The following PTPN21 variants were observed in gnomAD, a reference collection of about 807,000 sequenced individuals.
The protein encoded by PTPN21 is tyrosine-protein phosphatase non-receptor type 21.
PTPN21 carries 77 observed loss-of-function variants against 131.8 expected under a neutral mutation model. That is an observed-to-expected ratio of 0.58 (90% CI 0.49 to 0.71). PTPN21 has a LOEUF of 0.71. Ranked by LOEUF, PTPN21 falls within the 30% of genes least tolerant of loss-of-function variation. The pLI, the probability that PTPN21 is intolerant of heterozygous loss-of-function variation, is 0.00. For synonymous variants in PTPN21, 715 were observed against 621.3 expected (o/e 1.15, Z -2.24); for missense variants, 1,552 against 1,527.1 (o/e 1.02, Z -0.27).
intron 2 of PTPN21, among the ~76,000 whole-genome samples, chr14:88,522,951 T>TC (rs67758702): frequency 2.0e-3 from 308 of 151,590 alleles, no homozygotes; most frequent in African/African-American, 7.1e-3. Flanking sequence ...TAAGACCATT[T>TC]TTTTTTTTGG....
intron 8 of PTPN21, among the ~76,000 whole-genome samples, chr14:88,498,286 A>G (rs951431532): frequency 4.6e-5 from 7 of 151,290 alleles, no homozygotes; most frequent in Non-Finnish European, 1.0e-4. Context: ...AAAAAAAACC[A>G]AAACAGAAAA....
chr14:88,525,815 G>A (rs2078466505), intron 2 of PTPN21, among the ~76,000 whole-genome samples: 1 of 152,182 alleles, frequency 6.6e-6, no homozygotes, highest in Non-Finnish European at 1.5e-5. Flanking sequence ...TCCATCAATA[G>A]ATGAATGGAT....
intron 2 of PTPN21, among the ~76,000 whole-genome samples, chr14:88,521,534 C>G (rs2078392542): frequency 6.7e-6 from 1 of 149,278 alleles, no homozygotes; most frequent in Non-Finnish European, 1.5e-5. Context: ...TCCCAAGTAG[C>G]TAGGATTACA....
chr14:88,479,247 A>G lies in PTPN21; in HGVS notation c.2184T>C (p.Pro728=), dbSNP rs879932. The G allele has an allele frequency of 0.34, 550,095 of 1,609,494 alleles. 96,320 individuals are homozygous for G. Among genetic ancestry groups the G allele is most frequent in the African/African-American group, 0.5 (37,643 of 74,852 alleles). Residue 728 remains proline, a synonymous_variant, in exon 13 of 19, where the codon CCT becomes CCC. Coordinates refer to ENST00000556564, the MANE Select transcript of PTPN21 (RefSeq NM_007039.4). ...DFEEESGARA[P]PARAREPRPG... ...GCCGAGGCTCGCGCGCACGTGCAGG[A>G]GGCGCCCGGGCCCCGCTCTCCTCCT...
intron 13 of PTPN21, among the ~76,000 whole-genome samples, chr14:88,477,213 T>G (rs760894215): frequency 1.3e-5 from 2 of 152,046 alleles, no homozygotes; most frequent in Non-Finnish European, 2.9e-5. Context: ...GTGAGTTATG[T>G]TGCATACTTG....
intron 4 of PTPN21, among the ~76,000 whole-genome samples, chr14:88,506,175 TA>T (rs935099064): frequency 1.1e-4 from 16 of 151,916 alleles, no homozygotes; most frequent in Admixed American, 9.2e-4. Flanking sequence ...CCTATCTCTA[TA>T]AAAAATTTTA....
intron 2 of PTPN21, among the ~76,000 whole-genome samples, chr14:88,539,768 A>G (rs947563782): frequency 6.6e-6 from 1 of 152,240 alleles, no homozygotes; most frequent in African/African-American, 2.4e-5. Flanking sequence ...TCTGCATTCT[A>G]TTGAAGGGTA....
At chr14:88,475,642 C>T (rs1243882864) in intron 13 of PTPN21, among the ~76,000 whole-genome samples, 1 of 152,208 alleles carries the variant, frequency 6.6e-6, no homozygotes, top group Non-Finnish European at 1.5e-5. Flanking sequence ...ACAACAGGCT[C>T]TTGGAAGGAA....
At chr14:88,533,964 C>T (rs923842793) in intron 2 of PTPN21, among the ~76,000 whole-genome samples, 9 of 152,098 alleles carry the variant, frequency 5.9e-5, no homozygotes, top group Admixed American at 4.6e-4. Flanking sequence ...TGCATGTTAC[C>T]GCCCCTGAAA....
chr14:88,500,150 C>T (rs1029014603), intron 8 of PTPN21, among the ~76,000 whole-genome samples: 5 of 151,968 alleles, frequency 3.3e-5, no homozygotes, highest in Non-Finnish European at 5.9e-5. Context: ...GGAAAGAGCC[C>T]TTCAGGCTGG....
At chr14:88,505,590 A>G (rs1345061980) in intron 4 of PTPN21, among the ~76,000 whole-genome samples, 1 of 151,876 alleles carries the variant, frequency 6.6e-6, no homozygotes, top group Non-Finnish European at 1.5e-5. Context: ...AATTAAATAA[A>G]AAAACAAGTT....
chr14:88,535,030 C>T (rs573635203), intron 2 of PTPN21, among the ~76,000 whole-genome samples: 18 of 152,260 alleles, frequency 1.2e-4, no homozygotes, highest in East Asian at 1.9e-4. Context: ...GCGCCATTCA[C>T]GGTAAGTACC....
chr14:88,510,930 T>G (rs1018684292), intron 3 of PTPN21, among the ~76,000 whole-genome samples: 2 of 151,670 alleles, frequency 1.3e-5, no homozygotes, highest in Non-Finnish European at 2.9e-5. Flanking sequence ...TTTTTTTTTT[T>G]GAGACAGGGT....
At chr14:88,508,359 C>G (rs570291869) in intron 3 of PTPN21, among the ~76,000 whole-genome samples, 1 of 152,104 alleles carries the variant, frequency 6.6e-6, no homozygotes, top group South Asian at 2.1e-4. Context: ...CCATGTTGCC[C>G]AGGCTGTTCT....
chr14:88,509,148 T>C (rs1187011033), intron 3 of PTPN21, among the ~76,000 whole-genome samples: 1 of 149,766 alleles, frequency 6.7e-6, no homozygotes, highest in Non-Finnish European at 1.5e-5. Context: ...TCCATTTTGA[T>C]AAAGCTCTAG....
At chr14:88,490,771 G>T (rs754329040) in intron 10 of PTPN21, among the ~76,000 whole-genome samples, 1 of 152,208 alleles carries the variant, frequency 6.6e-6, no homozygotes, top group Non-Finnish European at 1.5e-5. Context: ...TGCGCTCAGC[G>T]AGTGGCCTGC....
intron 4 of PTPN21, among the ~76,000 whole-genome samples, chr14:88,507,174 C>T (rs1346996): frequency 0.35 from 52,920 of 151,948 alleles, 9,810 homozygotes; most frequent in African/African-American, 0.48. Flanking sequence ...AAACTGTAAG[C>T]GAATATAACC....
Position 88,480,207 on chromosome 14 carries a change from G to A in PTPN21, c.1224C>T (p.Pro408=). Residue 408 remains proline (P), a synonymous_variant, in exon 13 of 19, where the codon CCC becomes CCT. Coordinates refer to ENST00000556564, the MANE Select transcript of PTPN21 (RefSeq NM_007039.4). ...ACGACATCGGCGAGGGCTGCAAGTA[G>A]GGCTGAGGATTATTTAAGGAGTTGG... The part of the protein sequence containing the change: ...HSTNSLNNPQ[P]YLQPSPMSSN... 6.2e-7 allele frequency: 1 copy of A among 1,614,194 alleles called. No individual in the cohort carries two copies. The highest frequency in any genetic ancestry group is 8.5e-7 in the Non-Finnish European group (1 of 1,180,032).
chr14:88,507,968 A>G lies in PTPN21; in HGVS notation c.403T>C (p.Cys135Arg), dbSNP rs1427047180. ...AGCTGAATTGCTTGTTCTAAGGTAC[A>G]AGGAATACTTCCTTCCAAGATATCT... The part of the protein sequence containing the change: ...KKDILEGSIP[C>R]TLEQAIQLAG... The change falls in exon 4 of 19, where the codon TGT (cysteine) becomes CGT (arginine). Residue 135 changes from cysteine to arginine, a missense_variant. Cys to Arg is a radical substitution (Grantham distance 180). Coordinates refer to ENST00000556564, the MANE Select transcript of PTPN21 (RefSeq NM_007039.4). The G allele has an allele frequency of 1.2e-6, 2 of 1,608,326 alleles. No individual in the cohort carries two copies. The highest frequency in any genetic ancestry group is 1.1e-5 in the South Asian group (1 of 90,396).
Sources: allele counts gnomAD v4.1 joint callset (sites outside exome capture counted in the v4.1 genomes callset), GRCh38; gene constraint gnomAD v4.1.1; transcripts MANE v1.5; gene names NCBI Gene and HGNC (gene_info 2026-07-23, HGNC 2026-07-21).